The following THAP2 variants were observed in gnomAD, a reference collection of about 807,000 sequenced individuals.
THAP2 encodes THAP domain-containing protein 2.
THAP2 carries 16 observed loss-of-function variants against 18.8 expected under a neutral mutation model. The ratio of observed to expected loss-of-function variants is 0.85; its 90% CI spans 0.58 to 1.29. The LOEUF (loss-of-function observed/expected upper bound fraction) is 1.29. THAP2 is among the 50% of genes most tolerant of loss of function. The probability of loss-of-function intolerance (pLI) is 0.00; values close to 1 mark genes in which losing one functional copy is unlikely to be tolerated. For synonymous variants in THAP2, 80 were observed against 89.2 expected (o/e 0.90, Z 0.58); for missense variants, 251 against 265.3 (o/e 0.95, Z 0.38).
chr12:71,674,814 CAG>C (rs1881497193), intron 2 of THAP2, among the ~76,000 whole-genome samples: 1 of 152,024 alleles, frequency 6.6e-6, no homozygotes, highest in Admixed American at 6.6e-5. Flanking sequence ...CAGAAATCTT[CAG>C]AGAGCTTGGG....
In THAP2 at chr12:71,677,046, G is replaced by GAT; in HGVS notation, c.626_627dup (p.Gln210IlefsTer8). The stretch of plus-strand genomic sequence containing the variant: ...GGAAGATTTTAAGATCCTTGAACAA[G>GAT]ATCAACAAGATAAAACACTGCTAAG... On this transcript the variant is annotated frameshift_variant, in exon 3 of 3. Transcript: ENST00000308086. LOFTEE classifies it high-confidence loss of function. 6.2e-7 allele frequency: 1 copy of GAT among 1,612,974 alleles called. No homozygotes were observed. Among genetic ancestry groups the GAT allele is most frequent in the Non-Finnish European group, 8.5e-7 (1 of 1,179,412 alleles).
intron 1 of THAP2, chr12:71,667,532 G>C (rs1297584879): frequency 6.6e-6 from 1 of 151,870 alleles, no homozygotes; most frequent in African/African-American, 2.4e-5. Flanking sequence ...CCCACTTCCT[G>C]TACTCTGCTT....
chr12:71,673,035 CAGTATGT>C (rs1467255108), intron 1 of THAP2, among the ~76,000 whole-genome samples: 2 of 152,108 alleles, frequency 1.3e-5, no homozygotes, highest in African/African-American at 4.8e-5. Context: ...TACAGTAGTA[CAGTATGT>C]ACTACAGTTG....
intron 2 of THAP2, 108 bp from the exon 3 acceptor site, chr12:71,676,581 T>G (rs1236896121): frequency 2.6e-6 from 3 of 1,162,632 alleles, no homozygotes; most frequent in African/African-American, 1.6e-5. Context: ...GTTTTAAAAT[T>G]GACTTTTAAA....
chr12:71,664,355 C>T lies in THAP2; in HGVS notation c.-155C>T. The T allele has an allele frequency of 1.2e-6, 1 of 808,558 alleles. No homozygotes were observed. Among genetic ancestry groups the T allele is most frequent in the Non-Finnish European group, 2.0e-6 (1 of 495,008 alleles). 50.1% of individuals were successfully genotyped at this position (808,558 alleles called of 1,614,324 possible). A position where few individuals can be genotyped will look rare whatever the true frequency, so the allele number is the denominator to read the frequency against. On this transcript the variant is annotated 5_prime_UTR_variant, in exon 1 of 3. Transcript: ENST00000308086. ...AGGCTGACCGTCCTTCGCCTCCGCC[C>T]CCACATACACACCCCTTCTTCCCAC... is the stretch of plus-strand genomic sequence containing the variant.
rs1881525716 is a variant in THAP2 at position 71,676,729 on chromosome 12, GT to G, written c.310del (p.Ser104LeufsTer8). On this transcript the variant is annotated frameshift_variant, in exon 3 of 3. Coordinates refer to ENST00000308086, the MANE Select transcript of THAP2 (RefSeq NM_031435.4). LOFTEE classifies it high-confidence loss of function. ...SRNLLKKNNSCSPAGPSNLKS... is the reference protein window; with the variant it reads ...SRNLLKKNNSXSPAGPSNLKS... ...AATCTTTTGAAGAAAAACAACAGTT[GT>G]TCTCCAGCTGGACCATCTAATTTAA... 3.2e-6 allele frequency: 5 copies of G among 1,573,130 alleles called. No individual in the cohort carries two copies. The highest frequency in any genetic ancestry group is 4.3e-6 in the Non-Finnish European group (5 of 1,158,552).
chr12:71,674,558 G>A (rs1385786413), intron 2 of THAP2, among the ~76,000 whole-genome samples, 160 bp downstream of exon 2: 1 of 151,948 alleles, frequency 6.6e-6, no homozygotes, highest in East Asian at 1.9e-4. Context: ...CAGAGTTTGG[G>A]TCTCCTGACT....
At chr12:71,673,795 T>C (rs1434494380) in intron 1 of THAP2, among the ~76,000 whole-genome samples, 4 of 152,184 alleles carry the variant, frequency 2.6e-5, no homozygotes, top group African/African-American at 9.6e-5. Context: ...TAGGCTTTCC[T>C]TGACAAAATT....
At chr12:71,669,467 T>A (rs1371668772) in intron 1 of THAP2, among the ~76,000 whole-genome samples, 1 of 152,200 alleles carries the variant, frequency 6.6e-6, no homozygotes, top group African/African-American at 2.4e-5. Flanking sequence ...AAGAGTCTTA[T>A]ACAAATAATA....
At position 71,664,332 on chromosome 12, in the gene THAP2, G is replaced by C; in HGVS notation, c.-178G>C. 1.5e-6 allele frequency: 1 copy of C among 656,106 alleles called. No homozygotes were observed. Among genetic ancestry groups the C allele is most frequent in the Non-Finnish European group, 2.6e-6 (1 of 381,296 alleles). 40.6% of individuals were successfully genotyped at this position (656,106 alleles called of 1,614,324 possible). A position where few individuals can be genotyped will look rare whatever the true frequency, so the allele number is the denominator to read the frequency against. On this transcript the variant is annotated 5_prime_UTR_variant, in exon 1 of 3. Transcript: ENST00000308086. ...CCATATTAATAAAGAGAAAGGGAAG[G>C]CTGACCGTCCTTCGCCTCCGCCCCC...
intron 1 of THAP2, chr12:71,665,287 A>AGACACATTAAAAAGTTAAGT (rs1488913854): frequency 8.0e-6 from 2 of 251,152 alleles, no homozygotes; most frequent in Non-Finnish European, 1.5e-5. Flanking sequence ...CCCGAAGAAA[A>AGACACATTAAAAAGTTAAGT]GACACATTAA....
intron 1 of THAP2, among the ~76,000 whole-genome samples, chr12:71,671,633 A>T (rs1881440462): frequency 6.6e-6 from 1 of 152,148 alleles, no homozygotes; most frequent in African/African-American, 2.4e-5. Flanking sequence ...GGTTTCTTTC[A>T]CCACTTTTTC....
intron 1 of THAP2, among the ~76,000 whole-genome samples, chr12:71,668,601 CT>C (rs1299074133): frequency 6.6e-6 from 1 of 152,206 alleles, no homozygotes; most frequent in African/African-American, 2.4e-5. Flanking sequence ...ATTTGATTCC[CT>C]ACCTTCCCCA....
intron 1 of THAP2, among the ~76,000 whole-genome samples, chr12:71,673,085 G>A (rs549979085): frequency 1.3e-5 from 2 of 152,112 alleles, no homozygotes; most frequent in African/African-American, 4.8e-5. Flanking sequence ...CTGCATCTTT[G>A]CATTTGTTTA....
intron 1 of THAP2, among the ~76,000 whole-genome samples, chr12:71,669,268 C>T (rs1039539027): frequency 1.3e-5 from 2 of 152,164 alleles, no homozygotes; most frequent in Non-Finnish European, 2.9e-5. Flanking sequence ...GACATCTAAC[C>T]CAGTCCTCTG....
chr12:71,678,103 T>C lies in THAP2; in HGVS notation c.*995T>C, dbSNP rs1881548589. On this transcript the variant is annotated 3_prime_UTR_variant, in exon 3 of 3. Coordinates refer to ENST00000308086, the MANE Select transcript of THAP2 (RefSeq NM_031435.4). The stretch of plus-strand genomic sequence containing the variant: ...TATTGATAACTTAAAATGGCATCAG[T>C]TTATCTTAGACATCAGCTTGCTTTT... The C allele has an allele frequency of 6.6e-6, 1 of 152,164 alleles. No individual in the cohort carries two copies. The highest frequency in any genetic ancestry group is 2.1e-4 in the South Asian group (1 of 4,830). The allele number at this position is 152,164 out of a possible 1,614,324, so 9.4% of individuals were successfully genotyped here. A position where few individuals can be genotyped will look rare whatever the true frequency, so the allele number is the denominator to read the frequency against.
Position 71,677,431 on chromosome 12 carries a change from G to T in THAP2, c.*323G>T, listed in dbSNP as rs1881539632. Reference sequence around the variant, plus strand: ...TAAGTAATATGTTTAACTTAGAGAAGAATTTTTTCCTGTACCAAAGTTGGC... The same window carrying T: ...TAAGTAATATGTTTAACTTAGAGAATAATTTTTTCCTGTACCAAAGTTGGC... On this transcript the variant is annotated 3_prime_UTR_variant, in exon 3 of 3. Transcript: ENST00000308086. 6.1e-6 allele frequency: 1 copy of T among 163,184 alleles called. No homozygotes were observed. Among genetic ancestry groups the T allele is most frequent in the Non-Finnish European group, 1.3e-5 (1 of 75,306 alleles). The allele number at this position is 163,184 out of a possible 1,614,324, so 10.1% of individuals were successfully genotyped here. A position where few individuals can be genotyped will look rare whatever the true frequency, so the allele number is the denominator to read the frequency against.
chr12:71,670,960 G>T (rs1881427493), intron 1 of THAP2, among the ~76,000 whole-genome samples: 1 of 145,556 alleles, frequency 6.9e-6, no homozygotes. Flanking sequence ...AAAAAATTAA[G>T]AGAAAATATA....
chr12:71,664,745 C>T (rs930424558), intron 1 of THAP2, 165 bp downstream of exon 1: 5 of 816,180 alleles, frequency 6.1e-6, no homozygotes, highest in African/African-American at 5.1e-5. Context: ...CAATTGTTCT[C>T]TGCTTTCGGG....
Sources: allele counts gnomAD v4.1 joint callset (sites outside exome capture counted in the v4.1 genomes callset), GRCh38; gene constraint gnomAD v4.1.1; transcripts MANE v1.5; gene names NCBI Gene and HGNC (gene_info 2026-07-23, HGNC 2026-07-21).